Variants in VEZT observed in about 807,000 individuals in gnomAD.
The protein encoded by VEZT is vezatin, adherens junctions transmembrane protein.
Under a neutral mutation model 79.9 loss-of-function variants are expected in VEZT, and 39 were observed. That is an observed-to-expected ratio of 0.49 (90% confidence interval 0.38 to 0.64). The LOEUF (loss-of-function observed/expected upper bound fraction) is 0.64. Ranked by LOEUF, VEZT falls within the 30% of genes least tolerant of loss-of-function variation. The pLI is 0.00. For synonymous variants in VEZT, 325 were observed against 327.6 expected (o/e 0.99, Z 0.09); for missense variants, 837 against 893.1 (o/e 0.94, Z 0.80).
chr12:95,251,110 A>C (rs2062533167), intron 1 of VEZT, among the ~76,000 whole-genome samples: 1 of 152,126 alleles, frequency 6.6e-6, no homozygotes. Flanking sequence ...TCCTGGGTTC[A>C]AGCGATTCTC....
intron 9 of VEZT, among the ~76,000 whole-genome samples, chr12:95,288,628 T>A (rs2071639198): frequency 6.6e-6 from 1 of 152,208 alleles, no homozygotes; most frequent in South Asian, 2.1e-4. Context: ...ACAGCTAGAT[T>A]TGTAATAATT....
At chr12:95,236,612 G>A (rs1228737340) in intron 1 of VEZT, among the ~76,000 whole-genome samples, 4 of 149,708 alleles carry the variant, frequency 2.7e-5, no homozygotes, top group African/African-American at 9.9e-5. Flanking sequence ...TCTCTGTTGC[G>A]CAGGCTGGAG....
In VEZT at chr12:95,251,063, TGCAGTG is replaced by T. The variant is rs201014308; in HGVS notation, c.37-874_37-869del. ...TTTGCTCTTGTCGCCCAGGCTGGAG[TGCAGTG>T]GCGTGATCTCGGCTCACTGCAACCT... On this transcript the variant is annotated intron_variant, in intron 1 of 11. Transcript: ENST00000436874. Among the ~76,000 whole-genome samples the T allele has an allele frequency of 9.9e-3, 1,502 of 152,190 alleles. 23 individuals carry two copies. The highest frequency in any genetic ancestry group is 0.034 in the African/African-American group (1,424 of 41,504).
chr12:95,292,095 C>A (rs548345573), intron 9 of VEZT, among the ~76,000 whole-genome samples: 1 of 152,118 alleles, frequency 6.6e-6, no homozygotes, highest in African/African-American at 2.4e-5. Context: ...CCACCACATC[C>A]GGCCTCTTGC....
chr12:95,262,701 A>G (rs2064767679), intron 3 of VEZT, among the ~76,000 whole-genome samples: 1 of 152,222 alleles, frequency 6.6e-6, no homozygotes, highest in South Asian at 2.1e-4. Flanking sequence ...TGGCTCAATA[A>G]TGTCTATCTC....
At chr12:95,250,060 C>T (rs1204753648) in intron 1 of VEZT, among the ~76,000 whole-genome samples, 3 of 143,084 alleles carry the variant, frequency 2.1e-5, no homozygotes, top group Non-Finnish European at 3.0e-5. Flanking sequence ...TAATTATAGT[C>T]TTTTTTTTTT....
In VEZT at chr12:95,300,934, A is replaced by G. The variant is rs1266161641; in HGVS notation, c.*261A>G. The G allele has an allele frequency of 7.7e-6, 2 of 260,606 alleles. No individual in the cohort carries two copies. The allele number at this position is 260,606 out of a possible 1,614,324, so 16.1% of individuals were successfully genotyped here. Reference sequence around the variant, plus strand: ...TTGTGGCACAACTGATCAATCTTGGAAATTCTTTAAGTATTTTTAATAAGA... The same window carrying G: ...TTGTGGCACAACTGATCAATCTTGGGAATTCTTTAAGTATTTTTAATAAGA... On this transcript the variant is annotated 3_prime_UTR_variant, in exon 12 of 12. Coordinates refer to ENST00000436874, the MANE Select transcript of VEZT (RefSeq NM_017599.4).
intron 11 of VEZT, among the ~76,000 whole-genome samples, chr12:95,298,057 T>G (rs113106159): frequency 1.5e-4 from 23 of 151,866 alleles, no homozygotes; most frequent in Middle Eastern, 3.4e-3. Context: ...GAGGTGGAGG[T>G]TGCAGTGAGC....
intron 1 of VEZT, chr12:95,224,345 G>A: frequency 2.3e-6 from 1 of 439,676 alleles, no homozygotes; most frequent in Admixed American, 2.5e-5. Context: ...ACAGGGTCTT[G>A]CACTGTTGCC....
At chr12:95,259,345 A>G (rs2063990506) in intron 3 of VEZT, among the ~76,000 whole-genome samples, 1 of 152,200 alleles carries the variant, frequency 6.6e-6, no homozygotes, top group African/African-American at 2.4e-5. Flanking sequence ...ATTGTAATAT[A>G]TCCAACGTGT....
At chr12:95,242,823 AGATGGTGCCATTGCACTCCAGC>A (rs2061216411) in intron 1 of VEZT, among the ~76,000 whole-genome samples, 1 of 148,512 alleles carries the variant, frequency 6.7e-6, no homozygotes, top group Non-Finnish European at 1.5e-5. Flanking sequence ...CAGTGAGCCG[AGATGGTGCCATTGCACTCCAGC>A]CTGGGTGACA....
At position 95,289,097 on chromosome 12, in the gene VEZT, T is replaced by TA. The variant is rs1169321066; in HGVS notation, c.1522+1243dup. On this transcript the variant is annotated intron_variant, in intron 9 of 11. Transcript: ENST00000436874. ...ACTCCGTCTCAAAAAAAAAAATAAA[T>TA]AAATAAATAAATAAATAAATAAATA... is the stretch of plus-strand genomic sequence containing the variant. 1.5e-4 allele frequency among the ~76,000 whole-genome samples: 18 copies of TA among 116,610 alleles called. 2 individuals carry two copies. The East Asian group carries it at 1.9e-3, about 12-fold the overall frequency. 76.5% of individuals were successfully genotyped at this position (116,610 alleles called of 152,430 possible).
At chr12:95,224,897 T>G (rs1291089333) in intron 1 of VEZT, among the ~76,000 whole-genome samples, 1 of 152,204 alleles carries the variant, frequency 6.6e-6, no homozygotes, top group African/African-American at 2.4e-5. Context: ...ATTAGTTAGA[T>G]TCTCATAAGG....
intron 1 of VEZT, among the ~76,000 whole-genome samples, chr12:95,238,986 G>A (rs1346120569): frequency 6.6e-5 from 10 of 152,170 alleles, no homozygotes; most frequent in South Asian, 2.1e-4. Context: ...AAATACATTC[G>A]ATGAAGCAAG....
chr12:95,225,678 G>T (rs2058331136), intron 1 of VEZT, among the ~76,000 whole-genome samples: 1 of 146,124 alleles, frequency 6.8e-6, no homozygotes, highest in African/African-American at 2.5e-5. Flanking sequence ...TACCACACCT[G>T]CAGCTGTGTT....
intron 5 of VEZT, 67 bp from the exon 6 acceptor site, chr12:95,269,984 A>G: frequency 6.5e-7 from 1 of 1,541,246 alleles, no homozygotes; most frequent in Non-Finnish European, 8.8e-7. Flanking sequence ...TTGTGGATTT[A>G]GGAAACAAAA....
intron 8 of VEZT, among the ~76,000 whole-genome samples, chr12:95,285,979 C>CTTT (rs2070691528): frequency 8.7e-6 from 1 of 114,848 alleles, no homozygotes. Context: ...CCCCCGACCC[C>CTTT]TTCTTTTTTT....
intron 9 of VEZT, among the ~76,000 whole-genome samples, chr12:95,289,789 C>T (rs2072232832): frequency 2.0e-5 from 3 of 152,120 alleles, no homozygotes; most frequent in Non-Finnish European, 4.4e-5. Flanking sequence ...ATTTTGAAAT[C>T]ATTTCAAACT....
chr12:95,252,177 A>T, intron 2 of VEZT, 106 bp downstream of exon 2: 2 of 1,229,388 alleles, frequency 1.6e-6, no homozygotes, highest in Non-Finnish European at 2.2e-6. Flanking sequence ...CACTGGTAAG[A>T]CTATTTATTT....
Sources: allele counts gnomAD v4.1 joint callset (sites outside exome capture counted in the v4.1 genomes callset), GRCh38; gene constraint gnomAD v4.1.1; transcripts MANE v1.5; gene names NCBI Gene and HGNC (gene_info 2026-07-23, HGNC 2026-07-21).